Variants in NCSTN observed in about 807,000 individuals in gnomAD.
NCSTN encodes the protein anterior pharynx-defective 2.
A neutral mutation model predicts 87.0 loss-of-function variants in NCSTN; 22 were observed. The observed-to-expected ratio is 0.25, with a 90% CI of 0.18 to 0.36. The LOEUF (loss-of-function observed/expected upper bound fraction) is 0.36. Ranked by LOEUF, NCSTN falls within the 10% of genes least tolerant of loss-of-function variation. The pLI, the probability that NCSTN is intolerant of heterozygous loss-of-function variation, is 1.00. For synonymous variants in NCSTN, 306 were observed against 327.1 expected (o/e 0.94, Z 0.69); for missense variants, 693 against 883.3 (o/e 0.78, Z 2.73).
At chr1:160,350,569 C>T (rs1041065) in intron 5 of NCSTN, among the ~76,000 whole-genome samples, 83,274 of 151,450 alleles carry the variant, frequency 0.55, 24,935 homozygotes, top group African/African-American at 0.81. Context: ...GACGTTAGTT[C>T]TTCTCACATT....
At chr1:160,349,751 G>A in intron 4 of NCSTN, 81 bp downstream of exon 4, 3 of 1,559,160 alleles carry the variant, frequency 1.9e-6, no homozygotes, top group Non-Finnish European at 2.6e-6. Flanking sequence ...TGTGAGGGAT[G>A]TATATGTGTT....
At chr1:160,351,999 G>T (rs1252767002) in intron 7 of NCSTN, 55 bp from the exon 8 acceptor site, 4 of 1,599,768 alleles carry the variant, frequency 2.5e-6, no homozygotes, top group Non-Finnish European at 3.4e-6. Context: ...AAGAAAGGAG[G>T]TTTGGGGCCA....
chr1:160,346,077 C>T (rs139877248), intron 2 of NCSTN, among the ~76,000 whole-genome samples: 1 of 151,790 alleles, frequency 6.6e-6, no homozygotes, highest in African/African-American at 2.4e-5. Context: ...TTGTGTGTTC[C>T]AAAAGAAGGT....
Position 160,357,102 on chromosome 1 carries a change from G to A in NCSTN, c.1856G>A (p.Arg619Gln), listed in dbSNP as rs201152756. ...LHSNETDRLP[R>Q]CVRSTARLAR... is the part of the protein sequence containing the mutation. ...TCTAATGAGACGGACCGACTCCCCC[G>A]GTGTGTGCGTTCTACTGCACGATTA... Residue 619 changes from arginine to glutamine, a missense_variant, in exon 16 of 17, where the codon CGG (arginine) becomes CAG (glutamine). Transcript: ENST00000294785. 1.2e-5 allele frequency: 19 copies of A among 1,614,070 alleles called. No homozygotes were observed. In the East Asian group the frequency reaches 1.3e-4, roughly 11 times the overall value.
Position 160,350,204 on chromosome 1 carries a change from C to A in NCSTN, c.536C>A (p.Pro179His). 6.2e-7 allele frequency: 1 copy of A among 1,614,104 alleles called. No individual in the cohort carries two copies. The highest frequency in any genetic ancestry group is 1.1e-5 in the South Asian group (1 of 91,072). ...TTGGCTTATGAAGACTTTAGTTTCC[C>A]CATCTTTCTTCTTGAAGATGAAAAT... ...NGLAYEDFSF[P>H]IFLLEDENET... Residue 179 changes from proline (P) to histidine (H), a missense_variant, in exon 5 of 17, where the codon CCC (proline) becomes CAC (histidine). By Grantham distance (77) the Pro-to-His change is moderately conservative. Around this residue, in one of 4 missense-constraint regions of NCSTN, gnomAD observed 235 missense variants for 233.9 expected, o/e 1.00. Transcript: ENST00000294785.
chr1:160,344,042 T>C (rs1441694278), intron 1 of NCSTN, among the ~76,000 whole-genome samples: 2 of 149,832 alleles, frequency 1.3e-5, no homozygotes, highest in Non-Finnish European at 3.0e-5. Context: ...GAAGTAACAA[T>C]TCAAGGAACT....
rs183389026 is a variant in NCSTN at position 160,353,421 on chromosome 1, T to A, written c.1179+184T>A. 3.3e-3 allele frequency: 4,921 copies of A among 1,493,652 alleles called. 10 individuals carry two copies. The highest frequency in any genetic ancestry group is 3.6e-3 in the Non-Finnish European group (4,083 of 1,124,558). The allele number at this position is 1,493,652 out of a possible 1,614,324, so 92.5% of individuals were successfully genotyped here. A position where few individuals can be genotyped will look rare whatever the true frequency, so the allele number is the denominator to read the frequency against. On this transcript the variant is annotated intron_variant, in intron 10 of 16. Transcript: ENST00000294785. ...CTGCTGGGAAGAATCAGGAACTCAG[T>A]GACATTCCATTGGTTCCCTGGACTG...
Position 160,354,387 on chromosome 1 carries a change from C to T in NCSTN, c.1352+97C>T, listed in dbSNP as rs1016022447. 119 of 1,315,848 alleles carry T rather than the reference C, an allele frequency of 9.0e-5. No individual in the cohort carries two copies. The African/African-American group carries it at 1.6e-3, about 18-fold the overall frequency. The allele number at this position is 1,315,848 out of a possible 1,614,324, so 81.5% of individuals were successfully genotyped here. On this transcript the variant is annotated intron_variant, in intron 11 of 16. Coordinates refer to ENST00000294785, the MANE Select transcript of NCSTN (RefSeq NM_015331.3). ...ACTGCCCTCCGCTTTCCCACACTAC[C>T]CCCTCCAGAACTTCAGGTCCATCTG...
intron 15 of NCSTN, 47 bp from the exon 16 acceptor site, chr1:160,356,994 A>G (rs1195616692): frequency 6.5e-7 from 1 of 1,544,946 alleles, no homozygotes; most frequent in Admixed American, 1.7e-5. Flanking sequence ...GGAACGAGTG[A>G]GAAGAGGATC....
At chr1:160,352,003 G>A in intron 7 of NCSTN, 51 bp from the exon 8 acceptor site, 2 of 1,602,296 alleles carry the variant, frequency 1.2e-6, no homozygotes, top group Non-Finnish European at 1.7e-6. Flanking sequence ...AAGGAGGTTT[G>A]GGGCCAGTTT....
intron 11 of NCSTN, 95 bp downstream of exon 11, chr1:160,354,385 A>ACCCCCCGCTTTCCCACCCTC: frequency 7.5e-7 from 1 of 1,332,598 alleles, no homozygotes; most frequent in Non-Finnish European, 1.1e-6. Context: ...TTCCCACACT[A>ACCCCCCGCTTTCCCACCCTC]CCCCCTCCAG....
chr1:160,356,003 G>A, intron 13 of NCSTN, 45 bp downstream of exon 13: 1 of 1,527,570 alleles, frequency 6.5e-7, no homozygotes, highest in Non-Finnish European at 9.1e-7. Context: ...TACACAGCAA[G>A]CTGTCCCTAT....
At chr1:160,352,227 G>A (rs775011914) in intron 8 of NCSTN, 21 bp downstream of exon 8, 40 of 1,613,800 alleles carry the variant, frequency 2.5e-5, no homozygotes, top group Middle Eastern at 1.6e-4. Flanking sequence ...TTTGGCTGGG[G>A]TGCAATGGCA....
At chr1:160,354,388 C>G (rs547259618) in intron 11 of NCSTN, 98 bp downstream of exon 11, 1 of 1,282,950 alleles carries the variant, frequency 7.8e-7, no homozygotes, top group African/African-American at 1.5e-5. Context: ...CCACACTACC[C>G]CCTCCAGAAC....
rs199931326 is a variant in NCSTN, at chr1:160,356,318, T to C, written c.1610T>C (p.Ile537Thr). 6.2e-7 allele frequency: 1 copy of C among 1,613,672 alleles called. No homozygotes were observed. The highest frequency in any genetic ancestry group is 8.5e-7 in the Non-Finnish European group (1 of 1,179,524). Residue 537 changes from isoleucine (I) to threonine (T), a missense_variant, in exon 14 of 17, where the codon ATC becomes ACC. Physicochemically the swap from Ile to Thr is moderately conservative, Grantham distance 89 (BLOSUM62 -1). This residue lies in a region of NCSTN where 216 missense variants were observed against 311.7 expected (regional missense o/e 0.69). Transcript: ENST00000294785. Reference sequence around the variant, plus strand: ...GCCAACAACTCATGGTTCCAGTCTATCCTCAGGCAGGACCTAAGGTCCTAC... The same window carrying C: ...GCCAACAACTCATGGTTCCAGTCTACCCTCAGGCAGGACCTAAGGTCCTAC... ...IKANNSWFQS[I>T]LRQDLRSYLG...
At chr1:160,347,371 C>T (rs1164239062) in intron 2 of NCSTN, among the ~76,000 whole-genome samples, 1 of 152,228 alleles carries the variant, frequency 6.6e-6, no homozygotes, top group Non-Finnish European at 1.5e-5. Context: ...TTAAAGTTCT[C>T]AAAGGGGGCT....
chr1:160,349,341 TC>T (rs1169829666), intron 3 of NCSTN: 2 of 722,110 alleles, frequency 2.8e-6, no homozygotes, highest in South Asian at 1.5e-5. Flanking sequence ...TGGGCATCCC[TC>T]CCCTCCCTCC....
intron 2 of NCSTN, among the ~76,000 whole-genome samples, chr1:160,347,510 T>C (rs1306173104): frequency 6.6e-6 from 1 of 152,200 alleles, no homozygotes; most frequent in Non-Finnish European, 1.5e-5. Flanking sequence ...GCAAGTTACT[T>C]AAGACTACAC....
At position 160,358,348 on chromosome 1, in the gene NCSTN, T is replaced by G. The variant is rs1234722953; in HGVS notation, c.*77T>G. ...TGTCCCACTGGGACACAACCACTAA[T>G]TTGTCACTGGAACCTCCCTGGGCCT... On this transcript the variant is annotated 3_prime_UTR_variant, in exon 17 of 17. Transcript: ENST00000294785. 1.9e-6 allele frequency: 3 copies of G among 1,595,290 alleles called. No individual in the cohort carries two copies. The East Asian group carries it at 6.7e-5, about 36-fold the overall frequency.
Sources: allele counts gnomAD v4.1 joint callset (sites outside exome capture counted in the v4.1 genomes callset), GRCh38; gene constraint gnomAD v4.1.1; regional missense constraint gnomAD v4.1.1; transcripts MANE v1.5; gene names NCBI Gene and HGNC (gene_info 2026-07-23, HGNC 2026-07-21).